SH2D4A: variants seen among roughly 807,000 people sequenced by gnomAD.
SH2D4A encodes the protein SH2 domain-containing protein 4A.
SH2D4A carries 70 observed loss-of-function variants against 64.7 expected under a neutral mutation model. That is an observed-to-expected ratio of 1.08 (90% CI 0.89 to 1.32). The LOEUF (loss-of-function observed/expected upper bound fraction) is 1.32. Among genes scored for constraint, SH2D4A ranks in the 40% most tolerant of loss-of-function variants. SH2D4A has a pLI of 0.00. For missense variants in SH2D4A, 706 were observed against 540.1 expected, an observed-to-expected ratio of 1.31 and a Z score of -3.04; for synonymous variants, 268 against 200.7, an observed-to-expected ratio of 1.34 and a Z score of -2.83.
chr8:19,335,236 C>G (rs914268666), intron 4 of SH2D4A, among the ~76,000 whole-genome samples: 1 of 151,702 alleles, frequency 6.6e-6, no homozygotes, highest in East Asian at 1.9e-4. Context: ...TGCAGTGAGC[C>G]GAGATTGCGA....
At chr8:19,321,518 A>G (rs1308002205) in intron 2 of SH2D4A, among the ~76,000 whole-genome samples, 1 of 152,168 alleles carries the variant, frequency 6.6e-6, no homozygotes, top group Non-Finnish European at 1.5e-5. Flanking sequence ...CTGGCCATGA[A>G]ACTTAGATAA....
At chr8:19,380,360 A>C (rs2053271588) in intron 8 of SH2D4A, among the ~76,000 whole-genome samples, 1 of 152,124 alleles carries the variant, frequency 6.6e-6, no homozygotes, top group Non-Finnish European at 1.5e-5. Flanking sequence ...TGATGTATAA[A>C]ATGCTTTAAT....
At chr8:19,336,605 C>G in intron 4 of SH2D4A, among the ~76,000 whole-genome samples, 1 of 152,128 alleles carries the variant, frequency 6.6e-6, no homozygotes. Context: ...AATCTCAGTG[C>G]TTTTGGAGGC....
chr8:19,384,561 C>A (rs897931668), intron 8 of SH2D4A, among the ~76,000 whole-genome samples: 4 of 152,106 alleles, frequency 2.6e-5, no homozygotes, highest in Non-Finnish European at 5.9e-5. Context: ...TTAAGAAAGA[C>A]CTTACAGTCT....
intron 2 of SH2D4A, 103 bp downstream of exon 2, chr8:19,319,831 G>C (rs781497537): frequency 4.0e-6 from 5 of 1,234,694 alleles, no homozygotes; most frequent in Non-Finnish European, 5.5e-6. Context: ...GCAAGTTCCA[G>C]TTTGGCAGAT....
intron 7 of SH2D4A, among the ~76,000 whole-genome samples, chr8:19,366,163 T>C (rs78786063): frequency 0.12 from 18,838 of 152,222 alleles, 1,498 homozygotes; most frequent in Middle Eastern, 0.2. Flanking sequence ...AAATTGTATT[T>C]TGTTTTTAAT....
chr8:19,394,617 C>T lies in SH2D4A; in HGVS notation c.1340C>T (p.Pro447Leu), dbSNP rs749872222. Residue 447 changes from proline to leucine, a missense_variant, in exon 10 of 10, where the codon CCT becomes CTT. Physicochemically the swap from Pro to Leu is moderately conservative, Grantham distance 98. Coordinates refer to ENST00000265807, the MANE Select transcript of SH2D4A (RefSeq NM_022071.4). ...CCCTGTGGTCAGCAGGACCAGCTGCCTGACTACCTGGAGCTGTTTGAGTGA... is the reference window on the plus strand; with the variant it reads ...CCCTGTGGTCAGCAGGACCAGCTGCTTGACTACCTGGAGCTGTTTGAGTGA... ...LYPCGQQDQLPDYLELFE is the reference protein window; with the variant it reads ...LYPCGQQDQLLDYLELFE 7 of 1,610,786 alleles carry T rather than the reference C, an allele frequency of 4.3e-6. No homozygotes were observed. The highest frequency in any genetic ancestry group is 3.3e-5 in the Admixed American group (2 of 59,728).
At position 19,348,025 on chromosome 8, in the gene SH2D4A, C is replaced by T. The variant is rs535385602; in HGVS notation, c.514-9178C>T. Among the ~76,000 whole-genome samples, 13 of 152,268 alleles carry T rather than the reference C, an allele frequency of 8.5e-5. No individual in the cohort carries two copies. The South Asian group carries it at 1.7e-3, about 19-fold the overall frequency. On this transcript the variant is annotated intron_variant, in intron 4 of 9. Coordinates refer to ENST00000265807, the MANE Select transcript of SH2D4A (RefSeq NM_022071.4). ...ATAACAACTAATGATCACAAAAACA[C>T]GCCACTAAAGTGTACATTTTAGTTG...
intron 7 of SH2D4A, among the ~76,000 whole-genome samples, chr8:19,371,413 T>A (rs2053093546): frequency 6.6e-6 from 1 of 152,060 alleles, no homozygotes; most frequent in African/African-American, 2.4e-5. Context: ...GCCTATACGG[T>A]TTCTTCTGAG....
Position 19,343,411 on chromosome 8 carries a change from C to G in SH2D4A, c.513+8554C>G, listed in dbSNP as rs531358596. On this transcript the variant is annotated intron_variant, in intron 4 of 9. Coordinates refer to ENST00000265807, the MANE Select transcript of SH2D4A (RefSeq NM_022071.4). ...TCACACCATTGCACTCTAGGCTTGG[C>G]GACAGAGAAAGACTCTGTCTCCAAC... Among the ~76,000 whole-genome samples, 5 of 151,902 alleles carry G rather than the reference C, an allele frequency of 3.3e-5. No individual in the cohort carries two copies. In the South Asian group the frequency reaches 1.0e-3, roughly 32 times the overall value.
chr8:19,393,526 G>A lies in SH2D4A; in HGVS notation c.1257G>A (p.Leu419=), dbSNP rs993814291. The A allele has an allele frequency of 1.2e-6, 2 of 1,614,148 alleles. No individual in the cohort carries two copies. Among genetic ancestry groups the A allele is most frequent in the Non-Finnish European group, 1.7e-6 (2 of 1,180,040 alleles). Residue 419 remains leucine (L), a synonymous_variant, in exon 9 of 10, where the codon TTG becomes TTA. Transcript: ENST00000265807. Reference sequence around the variant, plus strand: ...TACAGCATGCCACCTTGGCGGATTTGGTGGAATATCACAAGGTGAAGCAAT... The same window carrying A: ...TACAGCATGCCACCTTGGCGGATTTAGTGGAATATCACAAGGTGAAGCAAT... ...DQLQHATLAD[L]VEYHKEEPIT...
chr8:19,356,420 A>C lies in SH2D4A; in HGVS notation c.514-783A>C, dbSNP rs374693478. ...GACACAAGGCATATACTTTGCGGTA[A>C]TGTGGGTTGTGGGTAGGTATATCTG... On this transcript the variant is annotated intron_variant, in intron 4 of 9. Transcript: ENST00000265807. Among the ~76,000 whole-genome samples the C allele has an allele frequency of 4.6e-5, 7 of 152,312 alleles. No individual in the cohort carries two copies. In the South Asian group the frequency reaches 6.2e-4, roughly 14 times the overall value.
intron 8 of SH2D4A, among the ~76,000 whole-genome samples, chr8:19,391,394 C>T (rs964722495): frequency 6.6e-6 from 1 of 152,118 alleles, no homozygotes; most frequent in Non-Finnish European, 1.5e-5. Context: ...TTCCATGGGT[C>T]TGTCTCAGCA....
intron 3 of SH2D4A, among the ~76,000 whole-genome samples, chr8:19,333,717 A>G (rs1365528499): frequency 3.3e-5 from 5 of 152,142 alleles, no homozygotes; most frequent in African/African-American, 1.2e-4. Flanking sequence ...GATTTGTGCT[A>G]TAATTAAGGT....
rs753246629 is a variant in SH2D4A at position 19,393,416 on chromosome 8, C to T, written c.1147C>T (p.Leu383=). The T allele has an allele frequency of 6.2e-7, 1 of 1,614,218 alleles. No homozygotes were observed. The highest frequency in any genetic ancestry group is 8.5e-7 in the Non-Finnish European group (1 of 1,180,018). Residue 383 remains leucine, a synonymous_variant, in exon 9 of 10, where the codon CTG becomes TTG. Coordinates refer to ENST00000265807, the MANE Select transcript of SH2D4A (RefSeq NM_022071.4). ...RVSERIKGYA[L]SYLSEDGCKH... ...CAGTGAAAGGATCAAAGGCTATGCC[C>T]TGTCCTATCTGTCGGAGGACGGCTG...
At chr8:19,343,355 C>T (rs2052558271) in intron 4 of SH2D4A, among the ~76,000 whole-genome samples, 1 of 152,096 alleles carries the variant, frequency 6.6e-6, no homozygotes, top group East Asian at 1.9e-4. Flanking sequence ...ATTGCTTGAG[C>T]CTGGGAGGTT....
Position 19,394,649 on chromosome 8 carries a change from C to G in SH2D4A, c.*7C>G, listed in dbSNP as rs765065944. On this transcript the variant is annotated 3_prime_UTR_variant, in exon 10 of 10. Transcript: ENST00000265807. ...CCTGGAGCTGTTTGAGTGACAGCCT[C>G]CATCAGGGTCATCCTACAGCCTCCA... is the stretch of plus-strand genomic sequence containing the variant. 1.9e-6 allele frequency: 3 copies of G among 1,599,020 alleles called. No homozygotes were observed. Among genetic ancestry groups the G allele is most frequent in the Non-Finnish European group, 2.6e-6 (3 of 1,169,858 alleles).
rs191441152 is a variant in SH2D4A at position 19,395,515 on chromosome 8, C to T, written c.*873C>T. 1.7e-4 allele frequency: 26 copies of T among 152,228 alleles called. 1 individual carries two copies. The highest frequency in any genetic ancestry group is 1.7e-3 in the Admixed American group (26 of 15,282). 9.4% of individuals were successfully genotyped at this position (152,228 alleles called of 1,614,324 possible). A position where few individuals can be genotyped will look rare whatever the true frequency, so the allele number is the denominator to read the frequency against. On this transcript the variant is annotated 3_prime_UTR_variant, in exon 10 of 10. Transcript: ENST00000265807. ...GAAATAGGGTCTTTGCAGATATAGT[C>T]AAGATGAGGTCACATTGGATTAGGG...
At chr8:19,360,995 A>T (rs986349099) in intron 5 of SH2D4A, 11 of 353,424 alleles carry the variant, frequency 3.1e-5, no homozygotes, top group African/African-American at 2.4e-4. Flanking sequence ...TTGCTCCTGG[A>T]GTTACACACT....
Sources: gnomAD v4.1 joint callset for allele counts (sites outside exome capture counted in the v4.1 genomes callset) on GRCh38, gnomAD v4.1.1 for gene constraint, MANE v1.5 for transcripts, NCBI Gene and HGNC (gene_info 2026-07-23, HGNC 2026-07-21) for gene names.